The following CHN1 variants were observed in gnomAD, a reference collection of about 807,000 sequenced individuals.
CHN1 encodes the protein N-chimaerin.
In CHN1, 37 loss-of-function variants were observed where a neutral mutation model predicts 59.5. That is an observed-to-expected ratio of 0.62 (90% CI 0.48 to 0.82). The LOEUF is 0.82. Ranked by LOEUF, CHN1 falls within the 40% of genes least tolerant of loss-of-function variation. CHN1 has a pLI of 0.00. For synonymous variants in CHN1, 206 were observed against 200.4 expected, an observed-to-expected ratio of 1.03 and a Z score of -0.24; for missense variants, 469 against 571.0, an observed-to-expected ratio of 0.82 and a Z score of 1.82.
At chr2:174,809,985 G>A (rs1685021556) in intron 10 of CHN1, among the ~76,000 whole-genome samples, 1 of 152,130 alleles carries the variant, frequency 6.6e-6, no homozygotes, top group Admixed American at 6.5e-5. Flanking sequence ...TCCTAAGCTG[G>A]GGAAGATTTC....
At chr2:174,824,325 C>G (rs1685609357) in intron 8 of CHN1, 109 bp downstream of exon 8, 7 of 767,598 alleles carry the variant, frequency 9.1e-6, no homozygotes, top group Non-Finnish European at 1.4e-5. Flanking sequence ...GTGCATAAGA[C>G]CAAACCAGGA....
intron 6 of CHN1, among the ~76,000 whole-genome samples, chr2:174,864,219 A>G (rs1278226547): frequency 6.6e-6 from 1 of 152,156 alleles, no homozygotes; most frequent in Admixed American, 6.5e-5. Flanking sequence ...TGATTTGGAA[A>G]GCACTTCAAC....
At chr2:174,927,939 A>T (rs1272169179) in intron 3 of CHN1, among the ~76,000 whole-genome samples, 1 of 152,192 alleles carries the variant, frequency 6.6e-6, no homozygotes, top group Non-Finnish European at 1.5e-5. Context: ...AACAGTCTAG[A>T]GAATATGTAT....
intron 1 of CHN1, among the ~76,000 whole-genome samples, chr2:174,982,040 C>T (rs565430443): frequency 5.8e-4 from 88 of 152,018 alleles, no homozygotes; most frequent in Non-Finnish European, 8.7e-4. Context: ...AGTGAGAACA[C>T]GCGGTGTTTG....
chr2:174,949,153 T>C (rs1215345640), intron 2 of CHN1, among the ~76,000 whole-genome samples: 1 of 152,142 alleles, frequency 6.6e-6, no homozygotes, highest in Admixed American at 6.5e-5. Context: ...TTAATAAACA[T>C]CTTACTGAAG....
In CHN1 at chr2:174,877,104, C is replaced by CT. The variant is rs552476719; in HGVS notation, c.549+735dup. Among the ~76,000 whole-genome samples the CT allele has an allele frequency of 1.2e-4, 19 of 152,112 alleles. No individual in the cohort carries two copies. In the East Asian group the frequency reaches 3.1e-3, roughly 25 times the overall value. ...TATAAAACATCAGGAAAATCTCTTA[C>CT]TTTTTTCTTGGGGGTGAGGAGGAGG... On this transcript the variant is annotated intron_variant, in intron 6 of 12. Coordinates refer to ENST00000409900, the MANE Select transcript of CHN1 (RefSeq NM_001822.7).
intron 5 of CHN1, among the ~76,000 whole-genome samples, chr2:174,881,726 C>G (rs1468734491): frequency 2.0e-5 from 3 of 152,196 alleles, no homozygotes; most frequent in Admixed American, 6.5e-5. Context: ...ATTTACTTTA[C>G]AGTTAACAAA....
chr2:174,825,304 A>G (rs993898524), intron 7 of CHN1, among the ~76,000 whole-genome samples: 1 of 152,192 alleles, frequency 6.6e-6, no homozygotes, highest in African/African-American at 2.4e-5. Context: ...GAATCATCAA[A>G]AAGGCCCAAT....
At chr2:175,002,845 T>C (rs1365622817) in intron 1 of CHN1, among the ~76,000 whole-genome samples, 1 of 152,194 alleles carries the variant, frequency 6.6e-6, no homozygotes. Flanking sequence ...AGAGTAAATA[T>C]GAAGGGACAT....
At chr2:174,876,455 T>C (rs1316792910) in intron 6 of CHN1, among the ~76,000 whole-genome samples, 1 of 152,180 alleles carries the variant, frequency 6.6e-6, no homozygotes, top group Non-Finnish European at 1.5e-5. Context: ...AATCAACCAA[T>C]AGTCAGAAAA....
rs1001708490 is a variant in CHN1 at position 175,005,332 on chromosome 2, C to A, written c.-420G>T. ...CACAGCCCCCGGCGGGGCGCGCTCA[C>A]TCCGCATCCCGCGGCCTCGCAGACG... On this transcript the variant is annotated 5_prime_UTR_variant, in exon 1 of 13. Transcript: ENST00000409900. 28 of 1,166,014 alleles carry A rather than the reference C, an allele frequency of 2.4e-5. No homozygotes were observed. The highest frequency in any genetic ancestry group is 2.9e-5 in the Non-Finnish European group (27 of 927,552). The allele number at this position is 1,166,014 out of a possible 1,614,324, so 72.2% of individuals were successfully genotyped here. A position where few individuals can be genotyped will look rare whatever the true frequency, so the allele number is the denominator to read the frequency against.
intron 1 of CHN1, among the ~76,000 whole-genome samples, chr2:174,966,780 A>G (rs1374914280): frequency 6.6e-6 from 1 of 152,208 alleles, no homozygotes; most frequent in Non-Finnish European, 1.5e-5. Context: ...TTCTCCTGAC[A>G]TGTCGGCATA....
At chr2:174,965,757 CAAT>C (rs746886140) in intron 1 of CHN1, among the ~76,000 whole-genome samples, 1 of 152,162 alleles carries the variant, frequency 6.6e-6, no homozygotes, top group African/African-American at 2.4e-5. Flanking sequence ...AAATGTACGG[CAAT>C]AATAATTAAT....
intron 5 of CHN1, among the ~76,000 whole-genome samples, chr2:174,881,289 TCTC>T (rs763081020): frequency 6.6e-6 from 1 of 152,074 alleles, no homozygotes; most frequent in Non-Finnish European, 1.5e-5. Context: ...CTTGCAGTCT[TCTC>T]CTGTAGTCTT....
chr2:174,887,579 T>C (rs1460656503), intron 5 of CHN1, among the ~76,000 whole-genome samples: 1 of 152,102 alleles, frequency 6.6e-6, no homozygotes, highest in African/African-American at 2.4e-5. Flanking sequence ...ATAGAAAATG[T>C]AAAAAAGAAT....
intron 7 of CHN1, among the ~76,000 whole-genome samples, chr2:174,825,401 C>A (rs1408722529): frequency 6.6e-6 from 1 of 152,116 alleles, no homozygotes; most frequent in African/African-American, 2.4e-5. Flanking sequence ...TTATCAGGAA[C>A]CTCGTTTGAG....
chr2:174,905,588 G>A (rs1397521218), intron 5 of CHN1, among the ~76,000 whole-genome samples: 7 of 151,376 alleles, frequency 4.6e-5, no homozygotes, highest in South Asian at 2.1e-4. Context: ...TCTCTGAGAC[G>A]GAGTCTCGCT....
intron 11 of CHN1, 126 bp downstream of exon 11, chr2:174,808,779 A>C: frequency 1.0e-6 from 1 of 983,314 alleles, no homozygotes; most frequent in Non-Finnish European, 1.6e-6. Context: ...TTGTAAGTAC[A>C]TTAACCATAG....
chr2:174,968,702 T>C (rs1188216288), intron 1 of CHN1, among the ~76,000 whole-genome samples: 2 of 152,170 alleles, frequency 1.3e-5, no homozygotes, highest in East Asian at 1.9e-4. Context: ...AAAATGAACA[T>C]GTAATGGACT....
Sources: allele counts gnomAD v4.1 joint callset (sites outside exome capture counted in the v4.1 genomes callset), GRCh38; gene constraint gnomAD v4.1.1; transcripts MANE v1.5; gene names NCBI Gene and HGNC (gene_info 2026-07-23, HGNC 2026-07-21).